The following VTI1A variants were observed in gnomAD, a reference collection of about 807,000 sequenced individuals.
The protein encoded by VTI1A is vesicle transport through interaction with t-SNAREs homolog 1A.
In VTI1A, 22 loss-of-function variants were observed where a neutral mutation model predicts 34.9. The observed-to-expected ratio is 0.63, with a 90% confidence interval of 0.45 to 0.90. The LOEUF (loss-of-function observed/expected upper bound fraction) is 0.90. Among genes scored for constraint, VTI1A ranks in the 40% least tolerant of loss-of-function variants. The pLI is 0.00. For synonymous variants in VTI1A, 87 were observed against 97.3 expected (o/e 0.89, Z 0.62); for missense variants, 268 against 275.6 (o/e 0.97, Z 0.20).
intron 5 of VTI1A, among the ~76,000 whole-genome samples, chr10:112,628,581 T>C (rs1001238102): frequency 6.6e-6 from 1 of 152,194 alleles, no homozygotes; most frequent in Non-Finnish European, 1.5e-5. Flanking sequence ...TAATAGTTGT[T>C]CAACCAACTG....
At chr10:112,639,894 A>G (rs1846503308) in intron 5 of VTI1A, among the ~76,000 whole-genome samples, 1 of 152,236 alleles carries the variant, frequency 6.6e-6, no homozygotes, top group East Asian at 1.9e-4. Flanking sequence ...AAAATAGACC[A>G]GAAGACAAAA....
chr10:112,508,404 T>A (rs1468967066), intron 3 of VTI1A, among the ~76,000 whole-genome samples: 4 of 152,210 alleles, frequency 2.6e-5, no homozygotes, highest in Non-Finnish European at 5.9e-5. Context: ...TTGGAGTCTG[T>A]GAATAATATC....
chr10:112,521,427 T>A (rs1482584974), intron 3 of VTI1A, among the ~76,000 whole-genome samples: 2 of 152,058 alleles, frequency 1.3e-5, no homozygotes, highest in African/African-American at 4.8e-5. Flanking sequence ...TGCCTACTAG[T>A]TTTATTGCAT....
chr10:112,826,738 C>G, the VTI1A span: 1 of 152,172 alleles, frequency 6.6e-6, no homozygotes, highest in African/African-American at 2.4e-5. Context: ...AAGAAGGCAT[C>G]CCCATTTCAG....
intron 7 of VTI1A, among the ~76,000 whole-genome samples, chr10:112,793,215 A>T (rs1852549386): frequency 6.6e-6 from 1 of 152,238 alleles, no homozygotes; most frequent in Non-Finnish European, 1.5e-5. Context: ...CATGAGGCAG[A>T]TATCATAAGC....
rs575363986 is a variant in VTI1A at position 112,724,456 on chromosome 10, C to A, written c.560+55458C>A. ...AGGACACCAAACTATGGCTGGGATC[C>A]TTTTGCTTGCCTCTTCCAGGGTAGA... On this transcript the variant is annotated intron_variant, in intron 7 of 7. Coordinates refer to ENST00000393077, the MANE Select transcript of VTI1A (RefSeq NM_145206.4). Among the ~76,000 whole-genome samples, 4 of 152,162 alleles carry A rather than the reference C, an allele frequency of 2.6e-5. No individual in the cohort carries two copies. In the South Asian group the frequency reaches 8.3e-4, roughly 32 times the overall value.
chr10:112,638,856 T>C (rs1161413145), intron 5 of VTI1A, among the ~76,000 whole-genome samples: 1 of 151,740 alleles, frequency 6.6e-6, no homozygotes, highest in Non-Finnish European at 1.5e-5. Flanking sequence ...TTAAACAATT[T>C]AATAAAATAA....
intron 7 of VTI1A, among the ~76,000 whole-genome samples, chr10:112,747,319 TTCA>T (rs1309701943): frequency 1.3e-5 from 2 of 152,194 alleles, no homozygotes; most frequent in Non-Finnish European, 2.9e-5. Context: ...GTTCTGAGAG[TTCA>T]TCGTTGTGCG....
At chr10:112,674,776 T>C (rs1044947339) in intron 7 of VTI1A, among the ~76,000 whole-genome samples, 1 of 152,220 alleles carries the variant, frequency 6.6e-6, no homozygotes, top group Non-Finnish European at 1.5e-5. Context: ...GATTCACATA[T>C]TGTAGAAAGG....
intron 7 of VTI1A, among the ~76,000 whole-genome samples, chr10:112,724,015 A>G (rs894166952): frequency 3.3e-5 from 5 of 152,222 alleles, no homozygotes; most frequent in Non-Finnish European, 5.9e-5. Context: ...TTATATGAGA[A>G]ACTTTTTTCC....
rs796314368 is a variant in VTI1A, at chr10:112,513,860, A to G, written c.265-13227A>G. On this transcript the variant is annotated intron_variant, in intron 3 of 7. Coordinates refer to ENST00000393077, the MANE Select transcript of VTI1A (RefSeq NM_145206.4). ...TTTATTGATTTGCATATATTGAACC[A>G]TCCTTGTATCTCTGGAATAAATCTC... is the stretch of plus-strand genomic sequence containing the variant. 3.1e-4 allele frequency among the ~76,000 whole-genome samples: 47 copies of G among 152,108 alleles called. 1 individual carries two copies. The highest frequency in any genetic ancestry group is 1.1e-3 in the African/African-American group (45 of 41,568).
At chr10:112,693,177 A>G (rs1848663433) in intron 7 of VTI1A, among the ~76,000 whole-genome samples, 1 of 152,218 alleles carries the variant, frequency 6.6e-6, no homozygotes, top group African/African-American at 2.4e-5. Flanking sequence ...TTCTTAAGTA[A>G]CTGTTATTTA....
intron 7 of VTI1A, among the ~76,000 whole-genome samples, chr10:112,801,071 A>C (rs1462632254): frequency 6.6e-6 from 1 of 152,218 alleles, no homozygotes; most frequent in Non-Finnish European, 1.5e-5. Context: ...TTGGTGGGTT[A>C]CTAGTTCAGA....
intron 6 of VTI1A, 141 bp from the exon 7 acceptor site, chr10:112,668,796 C>A: frequency 1.2e-6 from 1 of 843,366 alleles, no homozygotes; most frequent in Non-Finnish European, 1.8e-6. Flanking sequence ...GTTTGTGTAG[C>A]TGTCAGAATG....
At chr10:112,761,887 A>T (rs1283923047) in intron 7 of VTI1A, among the ~76,000 whole-genome samples, 1 of 151,948 alleles carries the variant, frequency 6.6e-6, no homozygotes, top group Non-Finnish European at 1.5e-5. Flanking sequence ...TGCCATAAGA[A>T]ACTATCTTAT....
At chr10:112,830,849 A>ATATATATATATATATATATATTT in the VTI1A span, among the ~76,000 whole-genome samples, 148 of 33,404 alleles carry the variant, frequency 4.4e-3, no homozygotes, top group Non-Finnish European at 5.6e-3. Flanking sequence ...ATATATATAT[A>ATATATATATATATATATATATTT]TTTTTTTTTT....
chr10:112,686,863 A>G (rs1848434704), intron 7 of VTI1A, among the ~76,000 whole-genome samples: 1 of 152,166 alleles, frequency 6.6e-6, no homozygotes, highest in Non-Finnish European at 1.5e-5. Flanking sequence ...ACTACAAACT[A>G]TGTATATAGA....
chr10:112,450,581 A>T (rs963091109), intron 1 of VTI1A: 18 of 152,142 alleles, frequency 1.2e-4, no homozygotes, highest in African/African-American at 4.3e-4. Context: ...ATTGAAATGA[A>T]CTTTACTCTG....
the VTI1A span, chr10:112,824,226 A>G: frequency 6.6e-6 from 1 of 152,144 alleles, no homozygotes; most frequent in Non-Finnish European, 1.5e-5. Flanking sequence ...TGGCCTTCAC[A>G]CTCTTGGTGC....
Sources: gnomAD v4.1 joint callset for allele counts (sites outside exome capture counted in the v4.1 genomes callset) on GRCh38, gnomAD v4.1.1 for gene constraint, MANE v1.5 for transcripts, NCBI Gene and HGNC (gene_info 2026-07-23, HGNC 2026-07-21) for gene names.